MAGI3: variants seen among roughly 807,000 people sequenced by gnomAD.
MAGI3 encodes the protein membrane associated guanylate kinase, WW and PDZ domain containing 3.
A neutral mutation model predicts 121.8 loss-of-function variants in MAGI3; 43 were observed. The ratio of observed to expected loss-of-function variants is 0.35; its 90% CI spans 0.28 to 0.46. The LOEUF is 0.46. MAGI3 is among the 20% of genes least tolerant of loss of function. The pLI, the probability that MAGI3 is intolerant of heterozygous loss-of-function variation, is 1.00. For synonymous variants in MAGI3, 553 were observed against 639.3 expected, an observed-to-expected ratio of 0.86 and a Z score of 2.04; for missense variants, 1,547 against 1,797.3, an observed-to-expected ratio of 0.86 and a Z score of 2.52.
chr1:113,459,669 C>G (rs1370211002), intron 1 of MAGI3, among the ~76,000 whole-genome samples: 2 of 152,164 alleles, frequency 1.3e-5, no homozygotes, highest in African/African-American at 2.4e-5. Context: ...GTTTTCTTCT[C>G]TTTGCCATTA....
intron 2 of MAGI3, among the ~76,000 whole-genome samples, chr1:113,567,987 A>G (rs571040878): frequency 6.6e-6 from 1 of 152,130 alleles, no homozygotes; most frequent in Non-Finnish European, 1.5e-5. Flanking sequence ...CAAAAGCATT[A>G]TGCTAAGTAA....
chr1:113,561,253 C>A (rs372643835), intron 2 of MAGI3, among the ~76,000 whole-genome samples: 157 of 152,336 alleles, frequency 1.0e-3, no homozygotes, highest in African/African-American at 3.7e-3. Flanking sequence ...GGACTCCTCC[C>A]TAACCATTTT....
At chr1:113,395,087 G>GGTTTTT (rs544346451) in intron 1 of MAGI3, among the ~76,000 whole-genome samples, 1 of 33,244 alleles carries the variant, frequency 3.0e-5, no homozygotes, top group Non-Finnish European at 5.1e-5. Context: ...CTTTTTGTTA[G>GGTTTTT]TTTTTTTTTT....
chr1:113,436,055 A>T (rs1282969532), intron 1 of MAGI3, among the ~76,000 whole-genome samples: 1 of 152,126 alleles, frequency 6.6e-6, no homozygotes. Flanking sequence ...TGTGCATCTT[A>T]GGAAAGTTAT....
chr1:113,491,824 A>T (rs747567334), intron 1 of MAGI3, among the ~76,000 whole-genome samples: 3 of 152,170 alleles, frequency 2.0e-5, no homozygotes, highest in Non-Finnish European at 4.4e-5. Context: ...ACCAGCAAGA[A>T]ATTGAATCCC....
At chr1:113,670,373 C>T (rs1261392261) in intron 16 of MAGI3, among the ~76,000 whole-genome samples, 1 of 152,138 alleles carries the variant, frequency 6.6e-6, no homozygotes, top group African/African-American at 2.4e-5. Context: ...AACAACTTAA[C>T]CCAAGCAATA....
chr1:113,665,410 C>T (rs1653991577), intron 16 of MAGI3, among the ~76,000 whole-genome samples: 1 of 151,956 alleles, frequency 6.6e-6, no homozygotes, highest in Non-Finnish European at 1.5e-5. Flanking sequence ...GTTTGTGATA[C>T]ATCCTAATAT....
intron 7 of MAGI3, among the ~76,000 whole-genome samples, chr1:113,615,493 A>G (rs185871782): frequency 6.6e-6 from 1 of 152,288 alleles, no homozygotes; most frequent in Non-Finnish European, 1.5e-5. Context: ...CTTTAATTTT[A>G]TAATTGTTTC....
At chr1:113,585,077 C>G (rs1648280315) in intron 3 of MAGI3, among the ~76,000 whole-genome samples, 1 of 143,756 alleles carries the variant, frequency 7.0e-6, no homozygotes, top group Non-Finnish European at 1.5e-5. Context: ...AAGTGATTTT[C>G]CTGCCTCAGT....
chr1:113,641,360 TGGGCTCTG>T, intron 9 of MAGI3, among the ~76,000 whole-genome samples: 1 of 150,806 alleles, frequency 6.6e-6, no homozygotes, highest in Middle Eastern at 3.2e-3. Context: ...CTGCTAAAGC[TGGGCTCTG>T]GAGGACATGC....
At chr1:113,432,817 A>C (rs1186695749) in intron 1 of MAGI3, among the ~76,000 whole-genome samples, 1 of 152,138 alleles carries the variant, frequency 6.6e-6, no homozygotes, top group Non-Finnish European at 1.5e-5. Flanking sequence ...AATATGTAGA[A>C]TTTCTACCAT....
In MAGI3 at chr1:113,590,507, T is replaced by G; in HGVS notation, c.787T>G (p.Ser263Ala). Reference sequence around the variant, plus strand: ...AGAAAACAGAGAGAGGCATTCTGAGTCATCTGACTGGATGAAGACTGTTCC... The same window carrying G: ...AGAAAACAGAGAGAGGCATTCTGAGGCATCTGACTGGATGAAGACTGTTCC... Reference protein sequence around the residue: ...NAENRERHSESSDWMKTVPSY... With the variant: ...NAENRERHSEASDWMKTVPSY... The change falls in exon 5 of 21, where the codon TCA (serine) becomes GCA (alanine). Residue 263 changes from serine (S) to alanine (A), a missense_variant. Ser to Ala is a moderately conservative substitution (Grantham distance 99). Transcript: ENST00000307546. 1 of 1,613,688 alleles carries G rather than the reference T, an allele frequency of 6.2e-7. No individual in the cohort carries two copies.
rs374232138 is a variant in MAGI3 at position 113,585,593 on chromosome 1, G to A, written c.760G>A (p.Ala254Thr). The stretch of plus-strand genomic sequence containing the variant: ...GGAAGCTATTAATGGCAGTGGAAAC[G>A]CAGGTTTGTAAATAGATGAACAACT... ...DKEAINGSGN[A>T]ENRERHSESS... Residue 254 changes from alanine (A) to threonine (T), a missense_variant, in exon 4 of 21, where the codon GCA (alanine) becomes ACA (threonine). Transcript: ENST00000307546. 44 of 1,611,758 alleles carry A rather than the reference G, an allele frequency of 2.7e-5. No individual in the cohort carries two copies. In the South Asian group the frequency reaches 3.0e-4, roughly 11 times the overall value.
At chr1:113,471,682 G>T (rs1655544741) in intron 1 of MAGI3, among the ~76,000 whole-genome samples, 1 of 152,088 alleles carries the variant, frequency 6.6e-6, no homozygotes, top group African/African-American at 2.4e-5. Flanking sequence ...ATAATTGTAT[G>T]TGCTATACTT....
intron 6 of MAGI3, among the ~76,000 whole-genome samples, chr1:113,605,167 A>G (rs143854683): frequency 5.6e-4 from 86 of 152,240 alleles, no homozygotes; most frequent in Non-Finnish European, 1.0e-3. Flanking sequence ...AAATGAAAAC[A>G]TATGTTCCCC....
chr1:113,610,123 TTTTG>T (rs528446548), intron 6 of MAGI3, among the ~76,000 whole-genome samples: 84 of 152,146 alleles, frequency 5.5e-4, no homozygotes, highest in Admixed American at 2.0e-3. Context: ...CAAAGCGTTT[TTTTG>T]TTTGTTTGTT....
chr1:113,520,238 T>A (rs2101625138), intron 1 of MAGI3, among the ~76,000 whole-genome samples: 1 of 152,092 alleles, frequency 6.6e-6, no homozygotes, highest in African/African-American at 2.4e-5. Context: ...GGAATGAATA[T>A]ATTGAGACTT....
chr1:113,648,414 C>CTTTTT (rs566094328), intron 12 of MAGI3, among the ~76,000 whole-genome samples: 1 of 135,958 alleles, frequency 7.4e-6, no homozygotes, highest in Admixed American at 7.4e-5. Context: ...ACTTAATATT[C>CTTTTT]TTTTTTTTTT....
Position 113,651,154 on chromosome 1 carries a change from T to C in MAGI3, c.2388T>C (p.Ala796=). The part of the protein sequence containing the change: ...HKQVLDLMTT[A]ARNGHVLLTV... ...AAGTCTTGGACCTCATGACAACTGC[T>C]GCTCGAAATGGCCATGTGTTACTAA... is the stretch of plus-strand genomic sequence containing the variant. Residue 796 remains alanine, a synonymous_variant, in exon 14 of 21, where the codon GCT becomes GCC. Coordinates refer to ENST00000307546, the MANE Select transcript of MAGI3 (RefSeq NM_001142782.2). 1.9e-6 allele frequency: 3 copies of C among 1,614,102 alleles called. No homozygotes were observed. The highest frequency in any genetic ancestry group is 2.5e-6 in the Non-Finnish European group (3 of 1,180,026).
Sources: allele counts gnomAD v4.1 joint callset (sites outside exome capture counted in the v4.1 genomes callset), GRCh38; gene constraint gnomAD v4.1.1; transcripts MANE v1.5; gene names NCBI Gene and HGNC (gene_info 2026-07-23, HGNC 2026-07-21).